The following MAD1L1 variants were observed in gnomAD, a reference collection of about 807,000 sequenced individuals.
MAD1L1 encodes the protein mitotic spindle assembly checkpoint protein MAD1.
MAD1L1 carries 95 observed loss-of-function variants against 96.9 expected under a neutral mutation model. That is an observed-to-expected ratio of 0.98 (90% CI 0.83 to 1.16). The LOEUF is 1.16. MAD1L1 is among the 50% of genes most tolerant of loss of function. MAD1L1 has a pLI of 0.00. For synonymous variants in MAD1L1, 473 were observed against 396.6 expected (o/e 1.19, Z -2.29); for missense variants, 1,007 against 954.4 (o/e 1.06, Z -0.73).
At chr7:1,892,140 C>T (rs760264591) in intron 18 of MAD1L1, among the ~76,000 whole-genome samples, 9 of 152,314 alleles carry the variant, frequency 5.9e-5, no homozygotes, top group East Asian at 1.9e-4. Context: ...CGTACAGACA[C>T]GCAGATGCTT....
chr7:1,963,007 G>T (rs1224731597), intron 15 of MAD1L1, among the ~76,000 whole-genome samples: 1 of 152,208 alleles, frequency 6.6e-6, no homozygotes, highest in African/African-American at 2.4e-5. Flanking sequence ...CTGCATGCTG[G>T]TGAGGAGAAG....
intron 13 of MAD1L1, among the ~76,000 whole-genome samples, chr7:2,008,908 C>G (rs1213746633): frequency 1.3e-5 from 2 of 152,220 alleles, no homozygotes; most frequent in Non-Finnish European, 2.9e-5. Flanking sequence ...CAAGCCCACT[C>G]GGAGCCAGGC....
intron 10 of MAD1L1, among the ~76,000 whole-genome samples, chr7:2,183,959 G>A (rs372342449): frequency 6.6e-6 from 1 of 151,832 alleles, no homozygotes; most frequent in African/African-American, 2.4e-5. Flanking sequence ...TTAAGCAAAA[G>A]AAAGAACTCA....
rs568930637 is a variant in MAD1L1, at chr7:2,104,850, C to T, written c.1074-35512G>A. ...GCCAGGCCGTGCACAGCCATGTGGG[C>T]TCAGCCTGCAGCTGCCTCTCCTTCC... On this transcript the variant is annotated intron_variant, in intron 11 of 18. Coordinates refer to ENST00000265854, the MANE Select transcript of MAD1L1 (RefSeq NM_001013836.2). Among the ~76,000 whole-genome samples the T allele has an allele frequency of 1.0e-3, 158 of 152,358 alleles. 1 individual carries two copies. Among genetic ancestry groups the T allele is most frequent in the African/African-American group, 3.7e-3 (152 of 41,582 alleles).
intron 16 of MAD1L1, among the ~76,000 whole-genome samples, chr7:1,938,613 G>T (rs190866125): frequency 6.9e-4 from 105 of 152,258 alleles, no homozygotes; most frequent in Admixed American, 1.5e-3. Context: ...ATAACCAAGG[G>T]CATGTCAGAC....
At chr7:2,188,085 C>T (rs998034126) in intron 10 of MAD1L1, among the ~76,000 whole-genome samples, 10 of 152,164 alleles carry the variant, frequency 6.6e-5, no homozygotes, top group Admixed American at 3.3e-4. Context: ...TTCAGTGCGT[C>T]GATATTTTCA....
At chr7:2,071,948 C>T (rs1562658853) in intron 11 of MAD1L1, among the ~76,000 whole-genome samples, 1 of 152,214 alleles carries the variant, frequency 6.6e-6, no homozygotes, top group Non-Finnish European at 1.5e-5. Context: ...CACATCTCGC[C>T]CTGCGCATCC....
At chr7:2,163,313 C>T (rs1177589430) in intron 10 of MAD1L1, among the ~76,000 whole-genome samples, 6 of 152,190 alleles carry the variant, frequency 3.9e-5, no homozygotes, top group Non-Finnish European at 8.8e-5. Context: ...GGAAGGTCCA[C>T]ATGTTTTCAA....
chr7:2,183,922 T>A (rs1381572947), intron 10 of MAD1L1, among the ~76,000 whole-genome samples: 1 of 150,832 alleles, frequency 6.6e-6, no homozygotes, highest in African/African-American at 2.4e-5. Flanking sequence ...AAAATAAAAA[T>A]AAAAATAAAA....
chr7:2,208,324 G>A (rs922192660), intron 10 of MAD1L1, among the ~76,000 whole-genome samples: 17 of 151,584 alleles, frequency 1.1e-4, no homozygotes, highest in African/African-American at 3.9e-4. Context: ...TATTCCCTGG[G>A]AATTTCTATA....
intron 11 of MAD1L1, among the ~76,000 whole-genome samples, chr7:2,098,204 G>C (rs1229960213): frequency 6.6e-6 from 1 of 152,172 alleles, no homozygotes. Flanking sequence ...GAGGCCCCAG[G>C]ACTGGGGCTG....
In MAD1L1 at chr7:1,816,039, G is replaced by A; in HGVS notation, c.*31C>T. On this transcript the variant is annotated 3_prime_UTR_variant, in exon 19 of 19. Coordinates refer to ENST00000265854, the MANE Select transcript of MAD1L1 (RefSeq NM_001013836.2). ...GGACCTGCAGGTCAGGCCAAGCAGAGTGGCTCCGGCTATGCCCCCGAGCCT... is the reference window on the plus strand; with the variant it reads ...GGACCTGCAGGTCAGGCCAAGCAGAATGGCTCCGGCTATGCCCCCGAGCCT... The A allele has an allele frequency of 6.3e-7, 1 of 1,580,274 alleles. No homozygotes were observed. The highest frequency in any genetic ancestry group is 8.6e-7 in the Non-Finnish European group (1 of 1,162,334).
At chr7:1,844,039 C>G (rs1783438845) in intron 18 of MAD1L1, 1 of 154,466 alleles carries the variant, frequency 6.5e-6, no homozygotes, top group African/African-American at 2.4e-5. Context: ...TATGCAGGAA[C>G]ACTTGTGCAA....
intron 11 of MAD1L1, among the ~76,000 whole-genome samples, chr7:2,121,299 A>G (rs1787966676): frequency 6.6e-6 from 1 of 152,220 alleles, no homozygotes; most frequent in Admixed American, 6.5e-5. Context: ...ACCTCTGTTC[A>G]GCGTCAGAGC....
At chr7:2,145,994 A>G (rs1693707371) in intron 11 of MAD1L1, among the ~76,000 whole-genome samples, 1 of 152,210 alleles carries the variant, frequency 6.6e-6, no homozygotes, top group Non-Finnish European at 1.5e-5. Flanking sequence ...TGTTCCGCAC[A>G]TCAGATCAGC....
intron 10 of MAD1L1, among the ~76,000 whole-genome samples, chr7:2,151,669 G>A (rs1038790910): frequency 2.0e-5 from 3 of 152,240 alleles, no homozygotes; most frequent in Non-Finnish European, 4.4e-5. Flanking sequence ...GATCTCAGAG[G>A]GCCAGGCTCT....
chr7:2,069,242 G>A lies in MAD1L1; in HGVS notation c.1170C>T (p.His390=), dbSNP rs746787094. 49 of 1,611,270 alleles carry A rather than the reference G, an allele frequency of 3.0e-5. No individual in the cohort carries two copies. The highest frequency in any genetic ancestry group is 4.5e-5 in the East Asian group (2 of 44,732). The stretch of plus-strand genomic sequence containing the variant: ...TCTGGAGCCTCCGGGCCAGCGCCTC[G>A]TGGGTCTCGCGCTTCTTCCTCTCCT... ...LLEERKKRET[H]EALARRLQKR... Residue 390 remains histidine, a synonymous_variant, in exon 12 of 19, where the codon CAC becomes CAT. Coordinates refer to ENST00000265854, the MANE Select transcript of MAD1L1 (RefSeq NM_001013836.2).
intron 11 of MAD1L1, among the ~76,000 whole-genome samples, chr7:2,074,306 A>G (rs10280529): frequency 0.12 from 18,728 of 151,904 alleles, 1,915 homozygotes; most frequent in African/African-American, 0.28. Flanking sequence ...CCGAGAGCAG[A>G]AGGAAGACCC....
intron 10 of MAD1L1, among the ~76,000 whole-genome samples, chr7:2,170,281 C>T (rs956607212): frequency 6.6e-5 from 10 of 152,236 alleles, no homozygotes; most frequent in African/African-American, 2.4e-4. Context: ...TCCTGGATGT[C>T]CCATCCCCAA....
Sources: gnomAD v4.1 joint callset for allele counts (sites outside exome capture counted in the v4.1 genomes callset) on GRCh38, gnomAD v4.1.1 for gene constraint, MANE v1.5 for transcripts, NCBI Gene and HGNC (gene_info 2026-07-23, HGNC 2026-07-21) for gene names.